The following ABCB8 variants were observed in gnomAD, a reference collection of about 807,000 sequenced individuals.
ABCB8 encodes the protein ATP binding cassette subfamily B member 8.
Under a neutral mutation model 73.0 loss-of-function variants are expected in ABCB8, and 52 were observed. That is an observed-to-expected ratio of 0.71 (90% CI 0.57 to 0.90). ABCB8 has a LOEUF of 0.90. ABCB8 is among the 40% of genes least tolerant of loss of function. The probability of loss-of-function intolerance (pLI) is 0.00; values close to 1 mark genes in which losing one functional copy is unlikely to be tolerated. For missense variants in ABCB8, 909 were observed against 974.6 expected, an observed-to-expected ratio of 0.93 and a Z score of 0.90; for synonymous variants, 428 against 423.5, an observed-to-expected ratio of 1.01 and a Z score of -0.13.
At chr7:151,028,785 C>A in intron 1 of ABCB8, 175 bp downstream of exon 1, 2 of 1,541,768 alleles carry the variant, frequency 1.3e-6, no homozygotes, top group African/African-American at 1.4e-5. Context: ...TATAGTGACA[C>A]TCCAGTCGCC....
chr7:151,042,903 C>A (rs575642741), intron 14 of ABCB8, among the ~76,000 whole-genome samples: 21 of 152,384 alleles, frequency 1.4e-4, no homozygotes, highest in Non-Finnish European at 2.5e-4. Context: ...GCTGTCCTCA[C>A]TGGGTGCTCT....
intron 1 of ABCB8, among the ~76,000 whole-genome samples, chr7:151,032,012 A>G (rs1796178233): frequency 6.6e-6 from 1 of 152,162 alleles, no homozygotes; most frequent in South Asian, 2.1e-4. Context: ...CTTTATAAGA[A>G]CTAGAAAACT....
intron 1 of ABCB8, chr7:151,029,713 G>A (rs531935648): frequency 6.6e-6 from 1 of 152,098 alleles, no homozygotes; most frequent in Non-Finnish European, 1.5e-5. Flanking sequence ...CATATTGGTG[G>A]GCAGACTGGT....
At chr7:151,041,259 G>A (rs760780603) in intron 13 of ABCB8, 27 bp downstream of exon 13, 2 of 1,581,808 alleles carry the variant, frequency 1.3e-6, no homozygotes, top group African/African-American at 1.3e-5. Context: ...GCAGCCCTTG[G>A]CTCCCACTGC....
chr7:151,034,772 C>T lies in ABCB8; in HGVS notation c.708C>T (p.Ser236=), dbSNP rs761393724. ...CCAATAAGACAGGGCAGCTGGTGAG[C>T]CGCTTGACAACTGACGTGCAGGAGT... ...FDANKTGQLV[S]RLTTDVQEFK... Residue 236 remains serine, a synonymous_variant, in exon 5 of 16, where the codon AGC becomes AGT. Transcript: ENST00000358849. 1 of 1,614,112 alleles carries T rather than the reference C, an allele frequency of 6.2e-7. No homozygotes were observed. The highest frequency in any genetic ancestry group is 1.1e-5 in the South Asian group (1 of 91,084).
Position 151,040,870 on chromosome 7 carries a change from C to T in ABCB8, c.1431C>T (p.Thr477=), listed in dbSNP as rs1312258624. Residue 477 remains threonine (T), a synonymous_variant, in exon 12 of 16, where the codon ACC becomes ACT. Coordinates refer to ENST00000358849, the MANE Select transcript of ABCB8 (RefSeq NM_007188.5). ...GCTTCGAGGTGCTGAAAGACTTCAC[C>T]CTGACGCTGCCCCCTGGCAAGATCG... ...RPGFEVLKDF[T]LTLPPGKIVA... 1 of 1,605,186 alleles carries T rather than the reference C, an allele frequency of 6.2e-7. No homozygotes were observed. The highest frequency in any genetic ancestry group is 1.1e-5 in the South Asian group (1 of 89,798).
rs918397787 is a variant in ABCB8 at position 151,035,693 on chromosome 7, C to T, written c.878C>T (p.Thr293Ile). 2 of 1,613,528 alleles carry T rather than the reference C, an allele frequency of 1.2e-6. No homozygotes were observed. The highest frequency in any genetic ancestry group is 1.1e-5 in the South Asian group (1 of 91,086). ...ACACCAGCCCTGATGGGAGTGGGCA[C>T]CCTGATGGGCTCAGGCCTCCGAAAA... ...VATPALMGVGTLMGSGLRKLS... is the reference protein window; with the variant it reads ...VATPALMGVGILMGSGLRKLS... The change falls in exon 6 of 16, where the codon ACC (threonine) becomes ATC (isoleucine). Residue 293 changes from threonine (T) to isoleucine (I), a missense_variant. Transcript: ENST00000358849.
At chr7:151,030,450 G>A (rs1796130481) in intron 1 of ABCB8, among the ~76,000 whole-genome samples, 1 of 151,946 alleles carries the variant, frequency 6.6e-6, no homozygotes, top group Non-Finnish European at 1.5e-5. Context: ...GGGAGGCAGA[G>A]GTTGCAGTGA....
chr7:151,029,099 A>G (rs1796066062), intron 1 of ABCB8: 1 of 790,752 alleles, frequency 1.3e-6, no homozygotes, highest in Admixed American at 4.7e-5. Flanking sequence ...CAGGAGTTCG[A>G]GACCAGCCTG....
chr7:151,028,568 G>A lies in ABCB8; in HGVS notation c.53G>A (p.Arg18Lys). Reference sequence around the variant, plus strand: ...ATTCGGGGTGGCCCATTCCCAGGCAGGCTGCTACCGCCCCTCCGCTTCCAG... The same window carrying A: ...ATTCGGGGTGGCCCATTCCCAGGCAAGCTGCTACCGCCCCTCCGCTTCCAG... Reference protein sequence around the residue: ...VGIRGGPFPGRLLPPLRFQTF... With the variant: ...VGIRGGPFPGKLLPPLRFQTF... Residue 18 changes from arginine (R) to lysine (K), a missense_variant, in exon 1 of 16, where the codon AGG (arginine) becomes AAG (lysine). Arg to Lys is a conservative substitution (Grantham distance 26). Transcript: ENST00000358849. The A allele has an allele frequency of 6.2e-7, 1 of 1,614,040 alleles. No individual in the cohort carries two copies. The highest frequency in any genetic ancestry group is 1.1e-5 in the South Asian group (1 of 91,068).
rs1796483147 is a variant in ABCB8 at position 151,042,091 on chromosome 7, G to A, written c.1748G>A (p.Gly583Asp). 1 of 1,613,110 alleles carries A rather than the reference G, an allele frequency of 6.2e-7. No homozygotes were observed. Among genetic ancestry groups the A allele is most frequent in the African/African-American group, 1.3e-5 (1 of 75,038 alleles). Residue 583 changes from glycine to aspartate, a missense_variant, in exon 14 of 16, where the codon GGC becomes GAC. Physicochemically the swap from Gly to Asp is moderately conservative, Grantham distance 94. Coordinates refer to ENST00000358849, the MANE Select transcript of ABCB8 (RefSeq NM_007188.5). ...AHEFITSFPE[G>D]YNTVVGERGT... ...GAGTTCATCACCAGCTTCCCCGAGGGCTACAACACGGTCGTCGGTGGGTGC... is the reference window on the plus strand; with the variant it reads ...GAGTTCATCACCAGCTTCCCCGAGGACTACAACACGGTCGTCGGTGGGTGC...
At position 151,045,504 on chromosome 7, in the gene ABCB8, C is replaced by A; in HGVS notation, c.*155C>A. 1 of 1,024,040 alleles carries A rather than the reference C, an allele frequency of 9.8e-7. No homozygotes were observed. The highest frequency in any genetic ancestry group is 1.3e-6 in the Non-Finnish European group (1 of 776,096). The allele number at this position is 1,024,040 out of a possible 1,614,324, so 63.4% of individuals were successfully genotyped here. ...TCACAATAAAGCCGGGGCCGAGCAG[C>A]TGGCAGGGGAGGCCAATCCCTCCCT... On this transcript the variant is annotated 3_prime_UTR_variant, in exon 16 of 16. Coordinates refer to ENST00000358849, the MANE Select transcript of ABCB8 (RefSeq NM_007188.5).
rs890227405 is a variant in ABCB8 at position 151,046,916 on chromosome 7, A to G, written c.*1567A>G. On this transcript the variant is annotated 3_prime_UTR_variant, in exon 16 of 16. Coordinates refer to ENST00000358849, the MANE Select transcript of ABCB8 (RefSeq NM_007188.5). The stretch of plus-strand genomic sequence containing the variant: ...CCAGGCCCACATCCACCCTGATTTG[A>G]TATCCCACTTCCTGACAGATCAGAG... The G allele has an allele frequency of 3.9e-5, 6 of 152,242 alleles. No homozygotes were observed. The highest frequency in any genetic ancestry group is 1.4e-4 in the African/African-American group (6 of 41,430). The allele number at this position is 152,242 out of a possible 1,614,324, so 9.4% of individuals were successfully genotyped here.
At chr7:151,030,752 C>T (rs775560650) in intron 1 of ABCB8, among the ~76,000 whole-genome samples, 3 of 152,092 alleles carry the variant, frequency 2.0e-5, no homozygotes, top group Non-Finnish European at 4.4e-5. Flanking sequence ...CCAGCCTAGC[C>T]AACATGGTGA....
intron 8 of ABCB8, 126 bp downstream of exon 8, chr7:151,036,296 A>G: frequency 9.6e-7 from 1 of 1,039,360 alleles, no homozygotes; most frequent in Non-Finnish European, 1.4e-6. Flanking sequence ...CCAGCTGCTA[A>G]CTCTTGCAGG....
chr7:151,032,525 C>A (rs1042940912), intron 1 of ABCB8, among the ~76,000 whole-genome samples: 1 of 152,122 alleles, frequency 6.6e-6, no homozygotes, highest in Non-Finnish European at 1.5e-5. Flanking sequence ...GAAACCCCAT[C>A]TCTACTAAAA....
Position 151,041,970 on chromosome 7 carries a change from C to G in ABCB8, c.1627C>G (p.Leu543Val), listed in dbSNP as rs1462178251. The stretch of plus-strand genomic sequence containing the variant: ...AACCCCTCACCCACAGGAGCCCGTC[C>G]TGTTTGGGACGACCATCATGGAAAA... ...VVGFISQEPV[L>V]FGTTIMENIR... The change falls in exon 14 of 16, where the codon CTG becomes GTG. Residue 543 changes from leucine to valine, a missense_variant. Coordinates refer to ENST00000358849, the MANE Select transcript of ABCB8 (RefSeq NM_007188.5). The G allele has an allele frequency of 6.2e-7, 1 of 1,612,596 alleles. No individual in the cohort carries two copies. The highest frequency in any genetic ancestry group is 8.5e-7 in the Non-Finnish European group (1 of 1,179,998).
At chr7:151,030,638 T>C (rs1788972840) in intron 1 of ABCB8, among the ~76,000 whole-genome samples, 1 of 151,686 alleles carries the variant, frequency 6.6e-6, no homozygotes, top group African/African-American at 2.4e-5. Context: ...GCCAACATGG[T>C]GAAACCCCAT....
At position 151,042,075 on chromosome 7, in the gene ABCB8, A is replaced by C. The variant is rs776750211; in HGVS notation, c.1732A>C (p.Thr578Pro). ...GGAAGCGAATGCTCACGAGTTCATC[A>C]CCAGCTTCCCCGAGGGCTACAACAC... ...AREANAHEFITSFPEGYNTVV... is the reference protein window; with the variant it reads ...AREANAHEFIPSFPEGYNTVV... Residue 578 changes from threonine (T) to proline (P), a missense_variant, in exon 14 of 16, where the codon ACC becomes CCC. Physicochemically the swap from Thr to Pro is conservative, Grantham distance 38 (BLOSUM62 -1). Transcript: ENST00000358849. 7 of 1,613,002 alleles carry C rather than the reference A, an allele frequency of 4.3e-6. No homozygotes were observed. The East Asian group carries it at 1.6e-4, about 36-fold the overall frequency.
Sources: gnomAD v4.1 joint callset for allele counts (sites outside exome capture counted in the v4.1 genomes callset) on GRCh38, gnomAD v4.1.1 for gene constraint, MANE v1.5 for transcripts, NCBI Gene and HGNC (gene_info 2026-07-23, HGNC 2026-07-21) for gene names.